TAF1A: variants seen among roughly 807,000 people sequenced by gnomAD.
TAF1A encodes TATA box-binding protein-associated factor RNA polymerase I subunit A.
A neutral mutation model predicts 61.6 loss-of-function variants in TAF1A; 42 were observed. That is an observed-to-expected ratio of 0.68 (90% CI 0.53 to 0.88). TAF1A has a LOEUF of 0.88. TAF1A is among the 40% of genes least tolerant of loss of function. The pLI, the probability that TAF1A is intolerant of heterozygous loss-of-function variation, is 0.00. For missense variants in TAF1A, 424 were observed against 518.7 expected (o/e 0.82, Z 1.77); for synonymous variants, 179 against 177.7 (o/e 1.01, Z -0.06).
chr1:222,569,232 TA>T, intron 7 of TAF1A: 1 of 1,242,216 alleles, frequency 8.1e-7, no homozygotes, highest in Non-Finnish European at 1.0e-6. Flanking sequence ...TAAATTTCAA[TA>T]AAGTTGATTT....
intron 10 of TAF1A, 120 bp downstream of exon 10, chr1:222,561,244 T>C (rs78695942): frequency 5.2e-6 from 5 of 964,806 alleles, no homozygotes; most frequent in Non-Finnish European, 7.6e-6. Flanking sequence ...TGAGCAGTTA[T>C]GTCTTAAGCA....
downstream of TAF1A, among the ~76,000 whole-genome samples, chr1:222,556,171 C>A (rs1659722557): frequency 6.6e-6 from 1 of 152,162 alleles, no homozygotes; most frequent in African/African-American, 2.4e-5. Context: ...GGACTGGGGT[C>A]ATTTAAGGAA....
At chr1:222,559,525 TA>T (rs1487544865) in intron 10 of TAF1A, among the ~76,000 whole-genome samples, 1 of 152,226 alleles carries the variant, frequency 6.6e-6, no homozygotes, top group Non-Finnish European at 1.5e-5. Context: ...GGTAAATGAA[TA>T]AGACCATAAT....
chr1:222,586,541 T>C (rs1661023779), intron 2 of TAF1A, among the ~76,000 whole-genome samples: 1 of 152,178 alleles, frequency 6.6e-6, no homozygotes. Context: ...AAAAAAAAAT[T>C]GTCAAGGAAA....
Position 222,579,726 on chromosome 1 carries a change from G to T in TAF1A, c.405+33C>A, listed in dbSNP as rs758608707. The T allele has an allele frequency of 7.0e-6, 11 of 1,581,460 alleles. No individual in the cohort carries two copies. The East Asian group carries it at 2.0e-4, about 29-fold the overall frequency. On this transcript the variant is annotated intron_variant, in intron 4 of 10. Transcript: ENST00000352967. ...GCAATTAGAAAAAAAAAAGAATACT[G>T]CAAGTGTAAATTCACAAAGCCCATA...
chr1:222,554,219 G>A (rs1021539395), downstream of TAF1A, among the ~76,000 whole-genome samples: 3 of 152,208 alleles, frequency 2.0e-5, no homozygotes, highest in African/African-American at 7.2e-5. Flanking sequence ...GGAGTTCTTG[G>A]TATAGGCAGG....
At chr1:222,574,625 CAT>C (rs1361785754) in intron 5 of TAF1A, among the ~76,000 whole-genome samples, 1 of 152,072 alleles carries the variant, frequency 6.6e-6, no homozygotes, top group Non-Finnish European at 1.5e-5. Flanking sequence ...GTGTGACTAT[CAT>C]AAAATATTTT....
rs184952335 is a variant in TAF1A at position 222,570,301 on chromosome 1, T to C, written c.735+234A>G. 3.0e-3 allele frequency among the ~76,000 whole-genome samples: 463 copies of C among 152,300 alleles called. 1 individual carries two copies. The highest frequency in any genetic ancestry group is 0.011 in the African/African-American group (437 of 41,550). On this transcript the variant is annotated intron_variant, in intron 6 of 10. Transcript: ENST00000352967. ...TCTTTTAAGCTCAACAAGAATAAGA[T>C]TGAATTAACATTTACAACTATACTG...
In TAF1A at chr1:222,577,638, G is replaced by A. The variant is rs1219123348; in HGVS notation, c.411C>T (p.Ser137=). Residue 137 remains serine (S), a synonymous_variant, in exon 5 of 11, where the codon TCC becomes TCT. Coordinates refer to ENST00000352967, the MANE Select transcript of TAF1A (RefSeq NM_005681.4). ...NIGVMNYLKI[S]LQHALYLLHH... is the part of the protein sequence containing the mutation. ...GCAGAAGGTATAATGCATGTTGTAAGGAGATCTGCAAAAATAATAAGGGTA... is the reference window on the plus strand; with the variant it reads ...GCAGAAGGTATAATGCATGTTGTAAAGAGATCTGCAAAAATAATAAGGGTA... 1.2e-6 allele frequency: 2 copies of A among 1,613,472 alleles called. No individual in the cohort carries two copies. Among genetic ancestry groups the A allele is most frequent in the South Asian group, 1.1e-5 (1 of 91,062 alleles).
Position 222,584,254 on chromosome 1 carries a change from A to T in TAF1A, c.165T>A (p.Ser55Arg), listed in dbSNP as rs138854047. ...CTTCTTGGATAAAACTTAAACAAGC[A>T]CTTGTTGTCTGAGCAAAATCCTTCC... ...KRRKDFAQTT[S>R]ACLSFIQEAL... is the part of the protein sequence containing the mutation. Residue 55 changes from serine (S) to arginine (R), a missense_variant, in exon 3 of 11, where the codon AGT becomes AGA. Ser to Arg is a moderately radical substitution (Grantham distance 110). Transcript: ENST00000352967. The T allele has an allele frequency of 4.6e-5, 74 of 1,610,582 alleles. 1 individual carries two copies. The Middle Eastern group carries it at 8.2e-4, about 18-fold the overall frequency.
chr1:222,565,020 A>C (rs1373834545), intron 7 of TAF1A, among the ~76,000 whole-genome samples: 1 of 152,232 alleles, frequency 6.6e-6, no homozygotes, highest in African/African-American at 2.4e-5. Context: ...GTAGAAGTGC[A>C]TACAAATCAT....
chr1:222,561,966 G>A (rs548155764), intron 9 of TAF1A, among the ~76,000 whole-genome samples: 8 of 152,206 alleles, frequency 5.3e-5, no homozygotes, highest in African/African-American at 1.9e-4. Context: ...TTTGCATAGT[G>A]TCTGGTACAT....
At chr1:222,578,300 T>A (rs941421687) in intron 4 of TAF1A, among the ~76,000 whole-genome samples, 1 of 152,182 alleles carries the variant, frequency 6.6e-6, no homozygotes, top group Non-Finnish European at 1.5e-5. Flanking sequence ...AGAGCCAAAG[T>A]ACTGCAATAA....
rs147526890 is a variant in TAF1A, at chr1:222,578,494, C to T, written c.406-851G>A. On this transcript the variant is annotated intron_variant, in intron 4 of 10. Transcript: ENST00000352967. ...CCAGCCTACTTCCCCCAACTTCTAC[C>T]CAAGTGATTTTTAGAGTAACTAAAT... Among the ~76,000 whole-genome samples, 563 of 152,322 alleles carry T rather than the reference C, an allele frequency of 3.7e-3. 3 individuals are homozygous for T. The highest frequency in any genetic ancestry group is 0.013 in the African/African-American group (541 of 41,580).
At chr1:222,577,783 G>T in intron 4 of TAF1A, 140 bp from the exon 5 acceptor site, 1 of 688,560 alleles carries the variant, frequency 1.5e-6, no homozygotes, top group Non-Finnish European at 2.4e-6. Context: ...TTGATGTTGG[G>T]TACAATCTGG....
In TAF1A at chr1:222,558,510, G is replaced by T; in HGVS notation, c.*150C>A. 1 of 314,422 alleles carries T rather than the reference G, an allele frequency of 3.2e-6. No homozygotes were observed. Among genetic ancestry groups the T allele is most frequent in the Non-Finnish European group, 5.7e-6 (1 of 174,466 alleles). The allele number at this position is 314,422 out of a possible 1,614,324, so 19.5% of individuals were successfully genotyped here. Reference sequence around the variant, plus strand: ...CAAAGGCAGTAATATTGTTTCTCTAGCTATAAATAATACAAAAATATAAAA... The same window carrying T: ...CAAAGGCAGTAATATTGTTTCTCTATCTATAAATAATACAAAAATATAAAA... On this transcript the variant is annotated 3_prime_UTR_variant, in exon 11 of 11. Transcript: ENST00000352967.
intron 7 of TAF1A, among the ~76,000 whole-genome samples, chr1:222,566,396 T>C (rs1014682566): frequency 1.3e-5 from 2 of 152,194 alleles, no homozygotes; most frequent in Non-Finnish European, 2.9e-5. Context: ...CGGGATTGCA[T>C]TATTTATGCA....
At chr1:222,589,684 C>T (rs4846767) in intron 1 of TAF1A, 43 bp downstream of exon 1, 117,355 of 179,926 alleles carry the variant, frequency 0.65, 39,648 homozygotes, top group South Asian at 0.81. Context: ...CCTTCCCGTT[C>T]CATTTAAACG....
intron 5 of TAF1A, among the ~76,000 whole-genome samples, chr1:222,572,654 C>T (rs761749161): frequency 3.9e-5 from 6 of 152,160 alleles, no homozygotes; most frequent in Non-Finnish European, 5.9e-5. Context: ...CCACTGCTCC[C>T]GGCTGCTAAC....
Sources: gnomAD v4.1 joint callset for allele counts (sites outside exome capture counted in the v4.1 genomes callset) on GRCh38, gnomAD v4.1.1 for gene constraint, MANE v1.5 for transcripts, NCBI Gene and HGNC (gene_info 2026-07-23, HGNC 2026-07-21) for gene names.